The following LIPC variants were observed in gnomAD, a reference collection of about 807,000 sequenced individuals.
LIPC encodes the protein hepatic triacylglycerol lipase.
A neutral mutation model predicts 50.7 loss-of-function variants in LIPC; 44 were observed. The ratio of observed to expected loss-of-function variants is 0.87; its 90% CI spans 0.68 to 1.11. The LOEUF (loss-of-function observed/expected upper bound fraction) is 1.11, where lower values mean the gene tolerates loss of function less well. LIPC is among the 50% of genes most tolerant of loss of function. The pLI is 0.00. For missense variants in LIPC, 697 were observed against 648.2 expected, an observed-to-expected ratio of 1.08 and a Z score of -0.82; for synonymous variants, 271 against 256.4, an observed-to-expected ratio of 1.06 and a Z score of -0.54.
Position 58,548,586 on chromosome 15 carries a change from T to A in LIPC, c.1051+14T>A. On this transcript the variant is annotated intron_variant, in intron 6 of 8. Coordinates refer to ENST00000299022, the MANE Select transcript of LIPC (RefSeq NM_000236.3). Reference sequence around the variant, plus strand: ...CCCCCTTCAAAGGTGAGTGTGGAGCTGGGGAGCCTTCAGAAGGGCAGGATG... The same window carrying A: ...CCCCCTTCAAAGGTGAGTGTGGAGCAGGGGAGCCTTCAGAAGGGCAGGATG... 1 of 1,584,260 alleles carries A rather than the reference T, an allele frequency of 6.3e-7. No individual in the cohort carries two copies. Among genetic ancestry groups the A allele is most frequent in the Non-Finnish European group, 8.6e-7 (1 of 1,166,664 alleles).
At chr15:58,562,810 C>CCT (rs1400543702) in intron 7 of LIPC, among the ~76,000 whole-genome samples, 8 of 151,640 alleles carry the variant, frequency 5.3e-5, no homozygotes, top group African/African-American at 1.9e-4. Flanking sequence ...AAGGGACCCC[C>CCT]CCCCAACCCC....
chr15:58,512,215 C>T (rs912368955), intron 1 of LIPC, among the ~76,000 whole-genome samples: 36 of 152,022 alleles, frequency 2.4e-4, no homozygotes, highest in African/African-American at 8.0e-4. Context: ...TCTCCTGCCT[C>T]AGCCTCCCCA....
chr15:58,525,661 C>T (rs1281642158), intron 1 of LIPC, among the ~76,000 whole-genome samples: 1 of 152,008 alleles, frequency 6.6e-6, no homozygotes, highest in Non-Finnish European at 1.5e-5. Context: ...AAATAGGAGA[C>T]CTATGTCTTC....
Position 58,545,806 on chromosome 15 carries a change from T to C in LIPC, c.639T>C (p.Asp213=), listed in dbSNP as rs1186300794. Residue 213 remains aspartate (D), a synonymous_variant, in exon 5 of 9, where the codon GAT becomes GAC. Transcript: ENST00000299022. ...CCAGCAATCGTCTTTCTCCAGATGA[T>C]GCCAATTTTGTGGATGCCATTCATA... The part of the protein sequence containing the change: ...SAPSNRLSPD[D]ANFVDAIHTF... The C allele has an allele frequency of 6.2e-7, 1 of 1,614,108 alleles. No homozygotes were observed. The highest frequency in any genetic ancestry group is 8.5e-7 in the Non-Finnish European group (1 of 1,180,048).
At chr15:58,459,644 C>G (rs1259065654) in intron 1 of LIPC, among the ~76,000 whole-genome samples, 4 of 152,326 alleles carry the variant, frequency 2.6e-5, no homozygotes, top group African/African-American at 9.6e-5. Context: ...AAAGCAAACA[C>G]TCCCCCCACA....
chr15:58,456,958 C>G (rs4775052), intron 1 of LIPC, among the ~76,000 whole-genome samples: 45,435 of 151,888 alleles, frequency 0.3, 7,145 homozygotes, highest in East Asian at 0.49. Flanking sequence ...AAGTGGCATA[C>G]CCAGGGAAAC....
intron 6 of LIPC, among the ~76,000 whole-genome samples, chr15:58,557,250 T>G (rs1196413144): frequency 6.6e-6 from 1 of 152,142 alleles, no homozygotes; most frequent in Admixed American, 6.5e-5. Context: ...AGTTTCCTCT[T>G]CTCTAAAATG....
intron 1 of LIPC, among the ~76,000 whole-genome samples, chr15:58,451,451 A>G (rs1402417420): frequency 3.9e-5 from 6 of 152,114 alleles, no homozygotes; most frequent in African/African-American, 9.7e-5. Flanking sequence ...TTCTCCCTTC[A>G]TAACACTTCA....
At chr15:58,561,805 G>A (rs1023346072) in intron 7 of LIPC, among the ~76,000 whole-genome samples, 2 of 152,188 alleles carry the variant, frequency 1.3e-5, no homozygotes, top group Non-Finnish European at 2.9e-5. Context: ...TAAAATCTGG[G>A]TTTTAATGTT....
intron 1 of LIPC, among the ~76,000 whole-genome samples, chr15:58,452,778 C>A (rs1460147245): frequency 6.6e-6 from 1 of 152,172 alleles, no homozygotes; most frequent in African/African-American, 2.4e-5. Flanking sequence ...GGATTGCTGC[C>A]CCTCATTTTT....
chr15:58,535,942 T>C (rs1893102578), intron 1 of LIPC, among the ~76,000 whole-genome samples: 1 of 152,226 alleles, frequency 6.6e-6, no homozygotes, highest in African/African-American at 2.4e-5. Context: ...AGTGCCAGCC[T>C]TTGATCCAAG....
intron 1 of LIPC, among the ~76,000 whole-genome samples, chr15:58,495,817 TTGTTAACTGATTACAGGTTTC>T (rs1298138703): frequency 6.6e-6 from 1 of 152,188 alleles, no homozygotes; most frequent in African/African-American, 2.4e-5. Context: ...CTACAAGTCT[TTGTTAACTGATTACAGGTTTC>T]TGTAATTCTA....
chr15:58,528,688 C>A (rs1892862354), intron 1 of LIPC, among the ~76,000 whole-genome samples: 1 of 152,196 alleles, frequency 6.6e-6, no homozygotes, highest in African/African-American at 2.4e-5. Context: ...AGCTCCTAAC[C>A]GCTTCTGCTG....
At chr15:58,484,069 T>C (rs765089302) in intron 1 of LIPC, among the ~76,000 whole-genome samples, 5 of 152,186 alleles carry the variant, frequency 3.3e-5, no homozygotes, top group Non-Finnish European at 7.3e-5. Flanking sequence ...AGACAGTTCA[T>C]TAAAAGCTGA....
At chr15:58,504,517 C>G (rs561273148) in intron 1 of LIPC, among the ~76,000 whole-genome samples, 1 of 152,174 alleles carries the variant, frequency 6.6e-6, no homozygotes, top group African/African-American at 2.4e-5. Context: ...CAGCACTCAA[C>G]AGGCCAAAAC....
intron 1 of LIPC, among the ~76,000 whole-genome samples, chr15:58,481,493 C>T (rs1891187752): frequency 6.6e-6 from 1 of 152,162 alleles, no homozygotes; most frequent in Non-Finnish European, 1.5e-5. Context: ...TGTACAAGAA[C>T]ACTATGCAGC....
chr15:58,472,394 G>A (rs1476081534), intron 1 of LIPC, among the ~76,000 whole-genome samples: 1 of 151,810 alleles, frequency 6.6e-6, no homozygotes, highest in Non-Finnish European at 1.5e-5. Flanking sequence ...GACCAACATG[G>A]TGAAACCCTG....
chr15:58,457,092 T>C (rs1245705064), intron 1 of LIPC, among the ~76,000 whole-genome samples: 2 of 152,158 alleles, frequency 1.3e-5, no homozygotes, highest in Non-Finnish European at 2.9e-5. Context: ...TGAGCAGCCC[T>C]TGGCTTCGAA....
intron 6 of LIPC, among the ~76,000 whole-genome samples, chr15:58,559,852 T>A (rs780436858): frequency 6.6e-6 from 1 of 152,096 alleles, no homozygotes; most frequent in Non-Finnish European, 1.5e-5. Context: ...CATTTTGGAA[T>A]GAGGTAGGAT....
Sources: gnomAD v4.1 joint callset for allele counts (sites outside exome capture counted in the v4.1 genomes callset) on GRCh38, gnomAD v4.1.1 for gene constraint, MANE v1.5 for transcripts, NCBI Gene and HGNC (gene_info 2026-07-23, HGNC 2026-07-21) for gene names.